The following STIL variants were observed in gnomAD, a reference collection of about 807,000 sequenced individuals.
STIL encodes SCL-interrupting locus protein.
In STIL, 55 loss-of-function variants were observed where a neutral mutation model predicts 110.1. The observed-to-expected ratio is 0.50, with a 90% CI of 0.40 to 0.63. The LOEUF (loss-of-function observed/expected upper bound fraction) is 0.63. Ranked by LOEUF, STIL falls within the 20% of genes least tolerant of loss-of-function variation. The pLI, the probability that STIL is intolerant of heterozygous loss-of-function variation, is 0.00. For synonymous variants in STIL, 481 were observed against 530.0 expected (o/e 0.91, Z 1.27); for missense variants, 1,358 against 1,530.0 (o/e 0.89, Z 1.87).
chr1:47,277,527 T>C (rs1302876869), intron 12 of STIL, among the ~76,000 whole-genome samples: 1 of 152,094 alleles, frequency 6.6e-6, no homozygotes, highest in East Asian at 1.9e-4. Context: ...CATGAGGGGA[T>C]AGTACTGGAT....
chr1:47,286,064 G>A (rs974596394), intron 10 of STIL, among the ~76,000 whole-genome samples: 9 of 151,302 alleles, frequency 5.9e-5, no homozygotes, highest in South Asian at 2.1e-4. Context: ...TAGTTGAGAC[G>A]GGGTTTCACC....
Position 47,300,040 on chromosome 1 carries a change from T to G in STIL, c.566A>C (p.His189Pro). The change falls in exon 6 of 17, where the codon CAT becomes CCT. Residue 189 changes from histidine to proline, a missense_variant. Coordinates refer to ENST00000371877, the MANE Select transcript of STIL (RefSeq NM_001048166.1). ...ATTTGCTAGAGTTACTGCTGCCCAA[T>G]GCAAGTCAAATTCCACACTGTCCAA... ...ESLDSVEFDL[H>P]WAAVTLANNF... 6.2e-7 allele frequency: 1 copy of G among 1,614,138 alleles called. No individual in the cohort carries two copies. The highest frequency in any genetic ancestry group is 8.5e-7 in the Non-Finnish European group (1 of 1,180,018).
chr1:47,314,027 T>C lies in STIL; in HGVS notation c.-44+9A>G. 1 of 152,394 alleles carries C rather than the reference T, an allele frequency of 6.6e-6. No homozygotes were observed. Among genetic ancestry groups the C allele is most frequent in the Non-Finnish European group, 1.5e-5 (1 of 68,184 alleles). The allele number at this position is 152,394 out of a possible 1,614,324, so 9.4% of individuals were successfully genotyped here. A position where few individuals can be genotyped will look rare whatever the true frequency, so the allele number is the denominator to read the frequency against. The stretch of plus-strand genomic sequence containing the variant: ...CAAGGGGAAACCAGGAGCACAAAGC[T>C]CCACTTACCGCAACTTCCGCGGAGC... On this transcript the variant is annotated intron_variant, in intron 1 of 16. Coordinates refer to ENST00000371877, the MANE Select transcript of STIL (RefSeq NM_001048166.1).
At chr1:47,303,290 C>A (rs1409783590) in intron 3 of STIL, among the ~76,000 whole-genome samples, 1 of 152,132 alleles carries the variant, frequency 6.6e-6, no homozygotes, top group Admixed American at 6.6e-5. Flanking sequence ...GAGGGCCAGG[C>A]GTGGTGGCAC....
chr1:47,287,908 A>G (rs1191803453), intron 9 of STIL, among the ~76,000 whole-genome samples: 2 of 151,958 alleles, frequency 1.3e-5, no homozygotes, highest in Admixed American at 1.3e-4. Context: ...AAAATGACAA[A>G]TATGTCTCTA....
At chr1:47,305,267 A>C in intron 2 of STIL, 1 of 349,610 alleles carries the variant, frequency 2.9e-6, no homozygotes, top group Non-Finnish European at 5.2e-6. Context: ...CTGAGATTAC[A>C]GGAGTGCACC....
intron 2 of STIL, among the ~76,000 whole-genome samples, chr1:47,305,598 T>G (rs1003728296): frequency 2.0e-5 from 3 of 151,870 alleles, no homozygotes; most frequent in African/African-American, 7.3e-5. Flanking sequence ...CTGGCTAATT[T>G]TTTGTATTTT....
intron 1 of STIL, among the ~76,000 whole-genome samples, chr1:47,311,277 T>C (rs1331460025): frequency 2.6e-5 from 2 of 77,646 alleles, no homozygotes; most frequent in Non-Finnish European, 6.3e-5. Flanking sequence ...TTTCTTTTCT[T>C]TTTTTCTTTT....
rs142290334 is a variant in STIL at position 47,269,794 on chromosome 1, T to C, written c.2456A>G (p.Lys819Arg). Reference protein sequence around the residue: ...PDSQMKQDDTKISSEDMNFSV... With the variant: ...PDSQMKQDDTRISSEDMNFSV... Reference sequence around the variant, plus strand: ...AAAATTCATGTCCTCACTGGAAATTTTGGTATCATCTTGCTTCATTTGAGA... The same window carrying C: ...AAAATTCATGTCCTCACTGGAAATTCTGGTATCATCTTGCTTCATTTGAGA... Residue 819 changes from lysine (K) to arginine (R), a missense_variant, in exon 14 of 17, where the codon AAA becomes AGA. Lys to Arg is a conservative substitution (Grantham distance 26, BLOSUM62 2). Transcript: ENST00000371877. The C allele has an allele frequency of 3.9e-5, 63 of 1,614,106 alleles. No homozygotes were observed. Among genetic ancestry groups the C allele is most frequent in the Admixed American group, 1.3e-4 (8 of 60,006 alleles).
At position 47,263,027 on chromosome 1, in the gene STIL, T is replaced by A; in HGVS notation, c.2705A>T (p.Gln902Leu). 6.2e-7 allele frequency: 1 copy of A among 1,614,226 alleles called. No individual in the cohort carries two copies. The highest frequency in any genetic ancestry group is 1.3e-5 in the African/African-American group (1 of 75,072). ...QLAESVSMCL[Q>L]TGPTGGASNN... is the part of the protein sequence containing the mutation. The stretch of plus-strand genomic sequence containing the variant: ...ACTGGCACCCCCTGTTGGTCCAGTC[T>A]GTAAACACATGCTTACACTTTCTGC... Residue 902 changes from glutamine to leucine, a missense_variant, in exon 15 of 17, where the codon CAG becomes CTG. Gln to Leu is a moderately radical substitution (Grantham distance 113, BLOSUM62 -2). Coordinates refer to ENST00000371877, the MANE Select transcript of STIL (RefSeq NM_001048166.1).
intron 12 of STIL, among the ~76,000 whole-genome samples, chr1:47,274,603 C>T (rs975616857): frequency 2.0e-4 from 30 of 146,836 alleles, no homozygotes; most frequent in African/African-American, 7.3e-4. Flanking sequence ...AGGCGTGAGC[C>T]ACCACACCCA....
In STIL at chr1:47,263,063, C is replaced by T; in HGVS notation, c.2669G>A (p.Ser890Asn). ...GCTTACACTTTCTGCCAGCTGGCCA[C>T]TTGGAAAGAACACAGGTACATCAGG... ...KEPDVPVFFP[S>N]GQLAESVSMC... The change falls in exon 15 of 17, where the codon AGT becomes AAT. Residue 890 changes from serine to asparagine, a missense_variant. Physicochemically the swap from Ser to Asn is conservative, Grantham distance 46. Coordinates refer to ENST00000371877, the MANE Select transcript of STIL (RefSeq NM_001048166.1). 6.2e-7 allele frequency: 1 copy of T among 1,614,144 alleles called. No homozygotes were observed. Among genetic ancestry groups the T allele is most frequent in the Non-Finnish European group, 8.5e-7 (1 of 1,180,028 alleles).
intron 1 of STIL, among the ~76,000 whole-genome samples, chr1:47,311,815 G>A (rs1400904476): frequency 6.6e-6 from 1 of 152,206 alleles, no homozygotes; most frequent in Non-Finnish European, 1.5e-5. Context: ...GGGAGGCCGA[G>A]GTGGGTGGAT....
rs759738854 is a variant in STIL, at chr1:47,280,710, C to T, written c.1748G>A (p.Arg583Lys). The T allele has an allele frequency of 6.2e-7, 1 of 1,614,162 alleles. No individual in the cohort carries two copies. Among genetic ancestry groups the T allele is most frequent in the Non-Finnish European group, 8.5e-7 (1 of 1,180,040 alleles). The change falls in exon 12 of 17, where the codon AGA becomes AAA. Residue 583 changes from arginine to lysine, a missense_variant. Arg to Lys is a conservative substitution (Grantham distance 26). Coordinates refer to ENST00000371877, the MANE Select transcript of STIL (RefSeq NM_001048166.1). ...DFVFSPHNSGRPMELQIPTPP... is the reference protein window; with the variant it reads ...DFVFSPHNSGKPMELQIPTPP... ...AGTAGGTATCTGAAGTTCCATTGGTCTTCCTGAATTATGGGGTGAAAAAAC... is the reference window on the plus strand; with the variant it reads ...AGTAGGTATCTGAAGTTCCATTGGTTTTCCTGAATTATGGGGTGAAAAAAC...
chr1:47,253,535 A>G (rs1457424930), intron 16 of STIL, among the ~76,000 whole-genome samples: 3 of 152,200 alleles, frequency 2.0e-5, no homozygotes. Context: ...GAGAAAACTG[A>G]GGAATAGAGA....
chr1:47,276,014 T>TC (rs398102697), intron 12 of STIL, among the ~76,000 whole-genome samples: 7 of 151,192 alleles, frequency 4.6e-5, no homozygotes, highest in Non-Finnish European at 8.9e-5. Flanking sequence ...TTTTTTTTTT[T>TC]CTTTTTGAGA....
chr1:47,270,510 G>A (rs1432394598), intron 13 of STIL, among the ~76,000 whole-genome samples: 1 of 151,700 alleles, frequency 6.6e-6, no homozygotes, highest in Non-Finnish European at 1.5e-5. Flanking sequence ...GAAAACTGCT[G>A]CTCTGAATAA....
At chr1:47,261,317 G>A (rs1423668129) in intron 15 of STIL, among the ~76,000 whole-genome samples, 1 of 151,748 alleles carries the variant, frequency 6.6e-6, no homozygotes. Flanking sequence ...GAACCCAGAA[G>A]GCCCAGGTTG....
chr1:47,294,647 T>C (rs1220475763), intron 7 of STIL, among the ~76,000 whole-genome samples: 2 of 152,216 alleles, frequency 1.3e-5, no homozygotes, highest in Non-Finnish European at 2.9e-5. Context: ...ATTGTGCCAC[T>C]GCACTCCAGC....
Sources: allele counts gnomAD v4.1 joint callset (sites outside exome capture counted in the v4.1 genomes callset), GRCh38; gene constraint gnomAD v4.1.1; transcripts MANE v1.5; gene names NCBI Gene and HGNC (gene_info 2026-07-23, HGNC 2026-07-21).